CPNE4: variants seen among roughly 807,000 people sequenced by gnomAD.
CPNE4 encodes copine-4.
CPNE4 carries 25 observed loss-of-function variants against 67.9 expected under a neutral mutation model. The ratio of observed to expected loss-of-function variants is 0.37; its 90% CI spans 0.27 to 0.51. The LOEUF (loss-of-function observed/expected upper bound fraction) is 0.51. Among genes scored for constraint, CPNE4 ranks in the 20% least tolerant of loss-of-function variants. CPNE4 has a pLI of 0.93. For synonymous variants in CPNE4, 242 were observed against 244.9 expected (o/e 0.99, Z 0.11); for missense variants, 464 against 690.8 (o/e 0.67, Z 3.68).
intron 11 of CPNE4, among the ~76,000 whole-genome samples, chr3:131,563,580 A>T (rs1443054438): frequency 6.6e-6 from 1 of 152,036 alleles, no homozygotes; most frequent in Non-Finnish European, 1.5e-5. Flanking sequence ...ACATGCAAAC[A>T]TACACATGCA....
chr3:131,919,030 G>C (rs1306776403), intron 1 of CPNE4, among the ~76,000 whole-genome samples: 2 of 152,150 alleles, frequency 1.3e-5, no homozygotes, highest in Non-Finnish European at 2.9e-5. Flanking sequence ...TGTCTTTCAT[G>C]TACTACACTG....
In CPNE4 at chr3:131,696,632, C is replaced by G; in HGVS notation, c.433-16G>C. ...CAGCAATCACCTAAAGGAAAAAGCA[C>G]ACATCAGCTGCAATAGAGGGTGAAC... is the stretch of plus-strand genomic sequence containing the variant. On this transcript the variant is annotated splice_polypyrimidine_tract_variant and intron_variant, in intron 4 of 15. Coordinates refer to ENST00000429747, the MANE Select transcript of CPNE4 (RefSeq NM_130808.3). 1 of 1,612,694 alleles carries G rather than the reference C, an allele frequency of 6.2e-7. No homozygotes were observed. Among genetic ancestry groups the G allele is most frequent in the Middle Eastern group, 1.7e-4 (1 of 6,052 alleles).
At chr3:131,973,487 A>T (rs1385537277) in intron 1 of CPNE4, among the ~76,000 whole-genome samples, 1 of 152,220 alleles carries the variant, frequency 6.6e-6, no homozygotes, top group East Asian at 1.9e-4. Flanking sequence ...ACATATATTG[A>T]TTAACTTATT....
chr3:131,538,952 A>G (rs532267358), intron 15 of CPNE4: 1 of 152,302 alleles, frequency 6.6e-6, no homozygotes, highest in East Asian at 1.9e-4. Context: ...TATCCAGTCT[A>G]TGATATTCTG....
At chr3:131,691,350 A>G (rs2081029159) in intron 5 of CPNE4, among the ~76,000 whole-genome samples, 1 of 152,220 alleles carries the variant, frequency 6.6e-6, no homozygotes, top group South Asian at 2.1e-4. Context: ...TGGCACTTAT[A>G]TACCATAGAA....
intron 2 of CPNE4, among the ~76,000 whole-genome samples, chr3:131,767,718 AAGATT>A (rs1318703221): frequency 6.6e-6 from 1 of 152,140 alleles, no homozygotes; most frequent in African/African-American, 2.4e-5. Flanking sequence ...TTGAGCCAGA[AAGATT>A]TCTTTTCAGT....
At chr3:131,809,422 C>A (rs894424970) in intron 2 of CPNE4, among the ~76,000 whole-genome samples, 16 of 152,106 alleles carry the variant, frequency 1.1e-4, no homozygotes, top group African/African-American at 3.9e-4. Context: ...TTAAAACACA[C>A]AGAATGTAAG....
At chr3:131,925,570 T>A (rs1488273952) in intron 1 of CPNE4, 1 of 151,930 alleles carries the variant, frequency 6.6e-6, no homozygotes, top group East Asian at 1.9e-4. Flanking sequence ...GAAAAAAGAT[T>A]TGTACCCTTC....
At chr3:131,770,040 C>T (rs1196662745) in intron 2 of CPNE4, among the ~76,000 whole-genome samples, 1 of 152,120 alleles carries the variant, frequency 6.6e-6, no homozygotes, top group Non-Finnish European at 1.5e-5. Context: ...AACCTTGAAA[C>T]GACCTCAAGT....
chr3:131,846,419 A>T (rs1247721049), intron 2 of CPNE4, among the ~76,000 whole-genome samples: 1 of 151,988 alleles, frequency 6.6e-6, no homozygotes, highest in Non-Finnish European at 1.5e-5. Context: ...TTTCCCCCTC[A>T]CTCACTGTGC....
chr3:131,955,428 T>TTGTTTTTTTTGTTTTTTTTG (rs2071930909), intron 1 of CPNE4, among the ~76,000 whole-genome samples: 4 of 136,478 alleles, frequency 2.9e-5, no homozygotes, highest in African/African-American at 1.1e-4. Flanking sequence ...TTTTTTTTTT[T>TTGTTTTTTTTGTTTTTTTTG]TTTTTTGTAT....
intron 1 of CPNE4, among the ~76,000 whole-genome samples, chr3:131,984,373 A>C (rs1051060065): frequency 1.3e-5 from 2 of 152,216 alleles, no homozygotes; most frequent in African/African-American, 4.8e-5. Context: ...TTAATTCACC[A>C]AAAAGAGCAG....
intron 2 of CPNE4, among the ~76,000 whole-genome samples, chr3:131,805,267 A>G (rs2084267003): frequency 6.6e-6 from 1 of 152,144 alleles, no homozygotes; most frequent in African/African-American, 2.4e-5. Flanking sequence ...TGTAAAGTAC[A>G]ATTTTGCAGA....
At chr3:131,633,474 T>C (rs960623683) in intron 7 of CPNE4, among the ~76,000 whole-genome samples, 1 of 152,190 alleles carries the variant, frequency 6.6e-6, no homozygotes, top group African/African-American at 2.4e-5. Context: ...AGGCAGACCA[T>C]GTTCTGTGAC....
chr3:131,844,056 A>C (rs12494402), intron 2 of CPNE4, among the ~76,000 whole-genome samples: 1 of 152,108 alleles, frequency 6.6e-6, no homozygotes, highest in African/African-American at 2.4e-5. Flanking sequence ...AAAATTAGAA[A>C]GAAGTTTGTC....
chr3:131,833,917 T>C (rs1398809036), intron 2 of CPNE4, among the ~76,000 whole-genome samples: 1 of 152,192 alleles, frequency 6.6e-6, no homozygotes, highest in Non-Finnish European at 1.5e-5. Flanking sequence ...CCCCCTTCTG[T>C]ACAAAAGCCA....
chr3:131,545,232 T>C (rs1056031179), intron 14 of CPNE4, among the ~76,000 whole-genome samples: 2 of 152,210 alleles, frequency 1.3e-5, no homozygotes, highest in Non-Finnish European at 1.5e-5. Flanking sequence ...ATACAAATAT[T>C]ATTCTACTTT....
At chr3:131,737,876 G>T (rs1470758672) in intron 2 of CPNE4, among the ~76,000 whole-genome samples, 2 of 151,990 alleles carry the variant, frequency 1.3e-5, no homozygotes, top group Non-Finnish European at 2.9e-5. Context: ...CTTTTAAAAT[G>T]TCTTATTTAT....
chr3:131,698,656 A>G (rs905579463), intron 4 of CPNE4, among the ~76,000 whole-genome samples: 2 of 151,720 alleles, frequency 1.3e-5, no homozygotes, highest in African/African-American at 4.8e-5. Context: ...TCACACCTGT[A>G]ATCCCAGCAC....
Sources: allele counts gnomAD v4.1 joint callset (sites outside exome capture counted in the v4.1 genomes callset), GRCh38; gene constraint gnomAD v4.1.1; transcripts MANE v1.5; gene names NCBI Gene and HGNC (gene_info 2026-07-23, HGNC 2026-07-21).